Variants in PPFIA2 observed in about 807,000 individuals in gnomAD.
PPFIA2 encodes PPFI scaffold protein A2, also known as liprin-alpha-2.
PPFIA2 carries 46 observed loss-of-function variants against 175.5 expected under a neutral mutation model. That is an observed-to-expected ratio of 0.26 (90% CI 0.21 to 0.34). The LOEUF (loss-of-function observed/expected upper bound fraction) is 0.34. Ranked by LOEUF, PPFIA2 falls within the 10% of genes least tolerant of loss-of-function variation. The pLI is 1.00. For missense variants in PPFIA2, 1,179 were observed against 1,506.1 expected, an observed-to-expected ratio of 0.78 and a Z score of 3.60; for synonymous variants, 568 against 511.4, an observed-to-expected ratio of 1.11 and a Z score of -1.49.
intron 4 of PPFIA2, among the ~76,000 whole-genome samples, chr12:81,486,215 C>T (rs544123630): frequency 1.3e-5 from 2 of 151,736 alleles, no homozygotes; most frequent in Non-Finnish European, 2.9e-5. Context: ...TCCCATTTTA[C>T]ATGTAGGGAA....
intron 4 of PPFIA2, among the ~76,000 whole-genome samples, chr12:81,642,737 G>A (rs1463679955): frequency 0.035 from 737 of 21,122 alleles, 279 homozygotes; most frequent in Non-Finnish European, 0.078. Flanking sequence ...ACATGTATAT[G>A]TATGTATGTA....
At chr12:81,594,505 C>T (rs1379979055) in intron 4 of PPFIA2, among the ~76,000 whole-genome samples, 1 of 152,106 alleles carries the variant, frequency 6.6e-6, no homozygotes, top group African/African-American at 2.4e-5. Context: ...GGGTTGCGAA[C>T]TTCGTTTTGT....
chr12:81,268,511 C>T (rs2038113118), intron 28 of PPFIA2, among the ~76,000 whole-genome samples: 1 of 152,174 alleles, frequency 6.6e-6, no homozygotes, highest in African/African-American at 2.4e-5. Context: ...TATGCTGATT[C>T]ATCCACACTC....
chr12:81,350,893 C>T (rs1214751966), intron 17 of PPFIA2, among the ~76,000 whole-genome samples: 1 of 151,688 alleles, frequency 6.6e-6, no homozygotes, highest in East Asian at 1.9e-4. Flanking sequence ...TTAGCTAGAC[C>T]CAGAAAGAAA....
At chr12:81,605,307 A>T (rs1567542225) in intron 4 of PPFIA2, among the ~76,000 whole-genome samples, 1 of 151,720 alleles carries the variant, frequency 6.6e-6, no homozygotes, top group Non-Finnish European at 1.5e-5. Context: ...TCAGGGGAAA[A>T]TGGTCATACT....
At chr12:81,561,872 G>A (rs1387766477) in intron 4 of PPFIA2, among the ~76,000 whole-genome samples, 1 of 152,118 alleles carries the variant, frequency 6.6e-6, no homozygotes, top group Non-Finnish European at 1.5e-5. Flanking sequence ...TGTCTGCATT[G>A]AATAGCTTAT....
intron 27 of PPFIA2, among the ~76,000 whole-genome samples, chr12:81,280,988 C>CA (rs1396506500): frequency 4.0e-5 from 6 of 151,806 alleles, no homozygotes; most frequent in Admixed American, 6.6e-5. Flanking sequence ...AAGAATCTCA[C>CA]AAAAAAATAG....
chr12:81,721,405 A>G (rs2079314651), intron 3 of PPFIA2, among the ~76,000 whole-genome samples: 1 of 151,094 alleles, frequency 6.6e-6, no homozygotes, highest in Non-Finnish European at 1.5e-5. Flanking sequence ...TGGTAGAGTG[A>G]TTGTTCAGAA....
At chr12:81,333,279 C>T (rs980700005) in intron 21 of PPFIA2, among the ~76,000 whole-genome samples, 6 of 152,176 alleles carry the variant, frequency 3.9e-5, no homozygotes, top group African/African-American at 7.2e-5. Flanking sequence ...GTTCTAGTTT[C>T]GTATCCTTAC....
intron 4 of PPFIA2, among the ~76,000 whole-genome samples, chr12:81,621,183 G>C (rs1270135565): frequency 2.0e-5 from 3 of 152,132 alleles, no homozygotes; most frequent in Non-Finnish European, 4.4e-5. Context: ...GTGAGAAAGG[G>C]AGTCATAGAG....
intron 27 of PPFIA2, among the ~76,000 whole-genome samples, chr12:81,277,844 T>C (rs1436217646): frequency 2.0e-5 from 3 of 152,090 alleles, no homozygotes. Context: ...AAAACATAAG[T>C]AAGTGAGGTA....
At chr12:81,404,116 A>T (rs939798984) in intron 8 of PPFIA2, among the ~76,000 whole-genome samples, 1 of 152,124 alleles carries the variant, frequency 6.6e-6, no homozygotes, top group Non-Finnish European at 1.5e-5. Context: ...TGATGAAAAA[A>T]TATTTGAAAA....
At chr12:81,690,883 G>A (rs1390818153) in intron 3 of PPFIA2, among the ~76,000 whole-genome samples, 3 of 152,044 alleles carry the variant, frequency 2.0e-5, no homozygotes, top group Non-Finnish European at 4.4e-5. Flanking sequence ...CATCTTCAAA[G>A]AGCATTATTT....
intron 3 of PPFIA2, among the ~76,000 whole-genome samples, chr12:81,707,680 C>A (rs1236272586): frequency 6.6e-6 from 1 of 150,480 alleles, no homozygotes; most frequent in South Asian, 2.1e-4. Flanking sequence ...GGGTATATAC[C>A]CAAAGGACTA....
chr12:81,535,303 C>T (rs2065216487), intron 4 of PPFIA2: 1 of 436,630 alleles, frequency 2.3e-6, no homozygotes, highest in African/African-American at 2.0e-5. Context: ...TTCAAGAGGA[C>T]TGGATTCAGG....
At chr12:81,366,222 G>T (rs903056883) in intron 14 of PPFIA2, among the ~76,000 whole-genome samples, 1 of 150,696 alleles carries the variant, frequency 6.6e-6, no homozygotes, top group African/African-American at 2.4e-5. Flanking sequence ...AGATAAAATT[G>T]CTAACAATAA....
chr12:81,495,236 A>G (rs1235964122), intron 4 of PPFIA2, among the ~76,000 whole-genome samples: 5 of 152,090 alleles, frequency 3.3e-5, no homozygotes, highest in Non-Finnish European at 7.4e-5. Context: ...TTGTTATTCT[A>G]TGTTTACCTG....
At chr12:81,751,967 T>C (rs976921254) in intron 3 of PPFIA2, among the ~76,000 whole-genome samples, 1 of 152,298 alleles carries the variant, frequency 6.6e-6, no homozygotes, top group East Asian at 1.9e-4. Flanking sequence ...CTTTCAGATG[T>C]ATTTTGGTAA....
At chr12:81,625,101 T>C (rs1458033626) in intron 4 of PPFIA2, among the ~76,000 whole-genome samples, 1 of 151,844 alleles carries the variant, frequency 6.6e-6, no homozygotes, top group African/African-American at 2.4e-5. Context: ...ACACACAATA[T>C]GTTTGTATGA....
Sources: gnomAD v4.1 joint callset for allele counts (sites outside exome capture counted in the v4.1 genomes callset) on GRCh38, gnomAD v4.1.1 for gene constraint, MANE v1.5 for transcripts, NCBI Gene and HGNC (gene_info 2026-07-23, HGNC 2026-07-21) for gene names.